Variants in FNIP2 observed in about 807,000 individuals in gnomAD.
FNIP2 encodes folliculin interacting protein 2.
In FNIP2, 32 loss-of-function variants were observed where a neutral mutation model predicts 108.7. The ratio of observed to expected loss-of-function variants is 0.29; its 90% CI spans 0.22 to 0.40. FNIP2 has a LOEUF of 0.40. Ranked by LOEUF, FNIP2 falls within the 10% of genes least tolerant of loss-of-function variation. The pLI, the probability that FNIP2 is intolerant of heterozygous loss-of-function variation, is 1.00. For synonymous variants in FNIP2, 480 were observed against 496.7 expected, an observed-to-expected ratio of 0.97 and a Z score of 0.45; for missense variants, 1,202 against 1,381.6, an observed-to-expected ratio of 0.87 and a Z score of 2.06.
chr4:158,880,717 T>G (rs1015755874), intron 14 of FNIP2, among the ~76,000 whole-genome samples: 1 of 152,232 alleles, frequency 6.6e-6, no homozygotes, highest in African/African-American at 2.4e-5. Flanking sequence ...TTGTTTTTAT[T>G]TTTTTAAAAA....
At chr4:158,788,243 T>G (rs1262703537) in intron 1 of FNIP2, among the ~76,000 whole-genome samples, 1 of 152,238 alleles carries the variant, frequency 6.6e-6, no homozygotes, top group Non-Finnish European at 1.5e-5. Flanking sequence ...TTGCCGATAA[T>G]CTGCTCTTTC....
At chr4:158,781,595 A>AC (rs1393370591) in intron 1 of FNIP2, among the ~76,000 whole-genome samples, 1 of 151,862 alleles carries the variant, frequency 6.6e-6, no homozygotes, top group Non-Finnish European at 1.5e-5. Flanking sequence ...GCTCACAGCA[A>AC]CCCCCGCCTC....
At chr4:158,782,393 C>A (rs543571894) in intron 1 of FNIP2, among the ~76,000 whole-genome samples, 131 of 152,182 alleles carry the variant, frequency 8.6e-4, no homozygotes, top group Middle Eastern at 3.2e-3. Flanking sequence ...AAAACTCTTA[C>A]AAGCTGACAG....
intron 1 of FNIP2, among the ~76,000 whole-genome samples, chr4:158,793,971 C>T (rs1397202829): frequency 1.3e-5 from 2 of 152,000 alleles, no homozygotes; most frequent in Non-Finnish European, 2.9e-5. Context: ...TCTAGTCGGC[C>T]CTTGAAATGT....
chr4:158,899,503 T>TATTA (rs766214884), intron 16 of FNIP2, among the ~76,000 whole-genome samples: 5 of 152,240 alleles, frequency 3.3e-5, no homozygotes, highest in African/African-American at 4.8e-5. Context: ...GTTGGTAGGC[T>TATTA]ATTAATTACT....
At chr4:158,815,081 G>A (rs750482674) in intron 1 of FNIP2, among the ~76,000 whole-genome samples, 3 of 152,204 alleles carry the variant, frequency 2.0e-5, no homozygotes, top group Non-Finnish European at 2.9e-5. Context: ...GCCTGACTCC[G>A]TGTTAAGTGC....
intron 1 of FNIP2, among the ~76,000 whole-genome samples, chr4:158,798,387 A>C (rs78665148): frequency 0.023 from 3,465 of 152,254 alleles, 43 homozygotes; most frequent in Non-Finnish European, 0.035. Context: ...TCTTAATCCA[A>C]GTCTTTACTC....
chr4:158,782,842 G>A (rs1776099290), intron 1 of FNIP2, among the ~76,000 whole-genome samples: 1 of 152,172 alleles, frequency 6.6e-6, no homozygotes, highest in African/African-American at 2.4e-5. Context: ...ATTGTATGTA[G>A]GGGGTGGGTG....
chr4:158,851,586 A>C (rs1442225876), intron 8 of FNIP2, 136 bp downstream of exon 8: 4 of 1,122,960 alleles, frequency 3.6e-6, no homozygotes, highest in Middle Eastern at 2.9e-4. Flanking sequence ...TGAGCCTGAA[A>C]GTTTACAAAT....
intron 14 of FNIP2, among the ~76,000 whole-genome samples, chr4:158,887,348 TCTA>T (rs1448117602): frequency 2.6e-5 from 4 of 152,208 alleles, no homozygotes; most frequent in African/African-American, 2.4e-5. Flanking sequence ...TTTACTAACT[TCTA>T]CTATTAAGGT....
chr4:158,830,895 G>C (rs913680666), intron 3 of FNIP2, among the ~76,000 whole-genome samples: 2 of 152,184 alleles, frequency 1.3e-5, no homozygotes, highest in Admixed American at 6.5e-5. Context: ...TCATTCAGAT[G>C]TCACTAGGTG....
chr4:158,878,114 A>C (rs1034065310), intron 14 of FNIP2, among the ~76,000 whole-genome samples: 1 of 152,168 alleles, frequency 6.6e-6, no homozygotes, highest in African/African-American at 2.4e-5. Flanking sequence ...CCTGTCATGA[A>C]AAAAAATGGA....
chr4:158,781,608 A>G (rs1200506312), intron 1 of FNIP2, among the ~76,000 whole-genome samples: 1 of 152,094 alleles, frequency 6.6e-6, no homozygotes. Flanking sequence ...CCCGCCTCCC[A>G]GGTTCAGGTG....
At chr4:158,782,909 C>T (rs539027771) in intron 1 of FNIP2, among the ~76,000 whole-genome samples, 1 of 152,266 alleles carries the variant, frequency 6.6e-6, no homozygotes, top group East Asian at 1.9e-4. Flanking sequence ...CCAACTAAAG[C>T]TGTTAAAAAG....
intron 1 of FNIP2, among the ~76,000 whole-genome samples, chr4:158,824,845 TC>T (rs1283347154): frequency 1.3e-5 from 2 of 152,136 alleles, no homozygotes; most frequent in Non-Finnish European, 2.9e-5. Context: ...CCTTCTCTGT[TC>T]CTATGGTGCG....
At chr4:158,782,472 G>T (rs1000302005) in intron 1 of FNIP2, among the ~76,000 whole-genome samples, 3 of 151,212 alleles carry the variant, frequency 2.0e-5, no homozygotes, top group Non-Finnish European at 4.4e-5. Flanking sequence ...AAACCTACCA[G>T]ATACATAACT....
chr4:158,803,100 C>A (rs190224447), intron 1 of FNIP2, among the ~76,000 whole-genome samples: 1 of 152,288 alleles, frequency 6.6e-6, no homozygotes, highest in African/African-American at 2.4e-5. Context: ...AACAGCAGTT[C>A]CAGTCAACAA....
At chr4:158,807,980 A>C (rs1026238036) in intron 1 of FNIP2, among the ~76,000 whole-genome samples, 1 of 152,190 alleles carries the variant, frequency 6.6e-6, no homozygotes, top group African/African-American at 2.4e-5. Flanking sequence ...CAGCTGAGTG[A>C]TAGGAGAGAG....
In FNIP2 at chr4:158,904,637, G is replaced by A. The variant is rs996235638; in HGVS notation, c.*93G>A. On this transcript the variant is annotated 3_prime_UTR_variant, in exon 17 of 17. Coordinates refer to ENST00000264433, the MANE Select transcript of FNIP2 (RefSeq NM_020840.3). ...AAGCTCTCTGTGATGTCAAAAGCAT[G>A]AGAAGAGCAAACAGAAACAGTCATT... is the stretch of plus-strand genomic sequence containing the variant. 2.2e-5 allele frequency: 25 copies of A among 1,116,844 alleles called. No individual in the cohort carries two copies. The highest frequency in any genetic ancestry group is 4.0e-4 in the Middle Eastern group (2 of 5,024). The allele number at this position is 1,116,844 out of a possible 1,614,324, so 69.2% of individuals were successfully genotyped here.
Sources: allele counts gnomAD v4.1 joint callset (sites outside exome capture counted in the v4.1 genomes callset), GRCh38; gene constraint gnomAD v4.1.1; transcripts MANE v1.5; gene names NCBI Gene and HGNC (gene_info 2026-07-23, HGNC 2026-07-21).